Variants in POLR3B observed in about 807,000 individuals in gnomAD.
POLR3B encodes RNA polymerase III subunit B, also known as DNA-directed RNA polymerase III subunit RPC2.
Under a neutral mutation model 147.4 loss-of-function variants are expected in POLR3B, and 96 were observed. That is an observed-to-expected ratio of 0.65 (90% confidence interval 0.55 to 0.77). The LOEUF is 0.77. Ranked by LOEUF, POLR3B falls within the 30% of genes least tolerant of loss-of-function variation. The pLI, the probability that POLR3B is intolerant of heterozygous loss-of-function variation, is 0.00. For missense variants in POLR3B, 1,036 were observed against 1,413.5 expected, an observed-to-expected ratio of 0.73 and a Z score of 4.28; for synonymous variants, 461 against 485.9, an observed-to-expected ratio of 0.95 and a Z score of 0.67.
intron 26 of POLR3B, 125 bp from the exon 27 acceptor site, chr12:106,503,956 C>T: frequency 1.2e-6 from 1 of 852,480 alleles, no homozygotes; most frequent in South Asian, 1.4e-5. Flanking sequence ...GGTCCCTGTC[C>T]AGTTATTGAT....
intron 1 of POLR3B, among the ~76,000 whole-genome samples, chr12:106,360,566 T>C (rs926875816): frequency 6.6e-6 from 1 of 152,244 alleles, no homozygotes; most frequent in African/African-American, 2.4e-5. Context: ...TTACTTAAAC[T>C]TTCCAACTTC....
intron 9 of POLR3B, among the ~76,000 whole-genome samples, chr12:106,391,270 C>G (rs529951098): frequency 1.6e-3 from 242 of 152,212 alleles, no homozygotes; most frequent in Non-Finnish European, 2.6e-3. Flanking sequence ...CTATCTTCCC[C>G]CAGAGAGAGC....
intron 12 of POLR3B, among the ~76,000 whole-genome samples, chr12:106,416,642 A>G (rs917332420): frequency 2.6e-5 from 4 of 152,208 alleles, no homozygotes; most frequent in Non-Finnish European, 5.9e-5. Flanking sequence ...ATTAAAACAG[A>G]TAAAAGTTGA....
chr12:106,468,884 G>A (rs2038046489), intron 23 of POLR3B, among the ~76,000 whole-genome samples: 2 of 152,186 alleles, frequency 1.3e-5, no homozygotes, highest in African/African-American at 2.4e-5. Context: ...TTTAGAATAA[G>A]TGCGATGTGG....
At chr12:106,363,721 T>C (rs1179287389) in intron 1 of POLR3B, 149 bp from the exon 2 acceptor site, 1 of 693,764 alleles carries the variant, frequency 1.4e-6, no homozygotes, top group Non-Finnish European at 2.5e-6. Flanking sequence ...TATATGCATA[T>C]GCACACATGT....
At position 106,396,073 on chromosome 12, in the gene POLR3B, T is replaced by C. The variant is rs116028614; in HGVS notation, c.846+2920T>C. 6.6e-3 allele frequency among the ~76,000 whole-genome samples: 1,009 copies of C among 152,266 alleles called. 12 individuals are homozygous for C. Among genetic ancestry groups the C allele is most frequent in the African/African-American group, 0.022 (922 of 41,542 alleles). ...ACACCATCATTGTCTTGGGCTCTAG[T>C]ATATAGAGAAGAAAGTACTAGCTGT... is the stretch of plus-strand genomic sequence containing the variant. On this transcript the variant is annotated intron_variant, in intron 10 of 27. Coordinates refer to ENST00000228347, the MANE Select transcript of POLR3B (RefSeq NM_018082.6).
At chr12:106,471,074 C>T (rs2038084225) in intron 23 of POLR3B, among the ~76,000 whole-genome samples, 1 of 152,192 alleles carries the variant, frequency 6.6e-6, no homozygotes, top group Non-Finnish European at 1.5e-5. Flanking sequence ...AGGCAGTAAG[C>T]TTTGCTGAGC....
At chr12:106,366,218 T>C (rs1424119892) in intron 2 of POLR3B, among the ~76,000 whole-genome samples, 1 of 152,238 alleles carries the variant, frequency 6.6e-6, no homozygotes, top group Non-Finnish European at 1.5e-5. Context: ...AATGTTGTTA[T>C]GTGGCACATG....
At position 106,378,328 on chromosome 12, in the gene POLR3B, G is replaced by A; in HGVS notation, c.558G>A (p.Lys186=). ...TTCTTATCCAAGAGCAGCTGTCTAAGAACAGGATCATCGTGGAGGCTGATA... is the reference window on the plus strand; with the variant it reads ...TTCTTATCCAAGAGCAGCTGTCTAAAAACAGGATCATCGTGGAGGCTGATA... The part of the protein sequence containing the change: ...KVILIQEQLS[K]NRIIVEADRK... Residue 186 remains lysine, a synonymous_variant, in exon 8 of 28, where the codon AAG becomes AAA. Transcript: ENST00000228347. 1.2e-6 allele frequency: 2 copies of A among 1,614,004 alleles called. No individual in the cohort carries two copies. Among genetic ancestry groups the A allele is most frequent in the Non-Finnish European group, 1.7e-6 (2 of 1,179,908 alleles).
chr12:106,428,863 T>C (rs1160485330), intron 13 of POLR3B, among the ~76,000 whole-genome samples: 1 of 152,136 alleles, frequency 6.6e-6, no homozygotes, highest in East Asian at 1.9e-4. Context: ...CGATCTTCAC[T>C]ATAACAGTGA....
Position 106,366,529 on chromosome 12 carries a change from T to G in POLR3B, c.119T>G (p.Val40Gly). The G allele has an allele frequency of 6.2e-7, 1 of 1,610,148 alleles. No individual in the cohort carries two copies. Among genetic ancestry groups the G allele is most frequent in the Non-Finnish European group, 8.5e-7 (1 of 1,176,948 alleles). Residue 40 changes from valine to glycine, a missense_variant, in exon 3 of 28, where the codon GTG (valine) becomes GGG (glycine). This residue lies in a region of POLR3B where 150 missense variants were observed against 145.5 expected (regional missense o/e 1.03). Transcript: ENST00000228347. Reference sequence around the variant, plus strand: ...CTATCTGTTTAGGTGAAAGGCCTTGTGAAACAGCATATAGATTCATTTAAC... The same window carrying G: ...CTATCTGTTTAGGTGAAAGGCCTTGGGAAACAGCATATAGATTCATTTAAC... ...LPAFLKVKGLVKQHIDSFNYF... is the reference protein window; with the variant it reads ...LPAFLKVKGLGKQHIDSFNYF...
chr12:106,490,022 AG>A (rs2038387486), intron 23 of POLR3B, among the ~76,000 whole-genome samples: 1 of 152,234 alleles, frequency 6.6e-6, no homozygotes, highest in South Asian at 2.1e-4. Context: ...TTATTAAATC[AG>A]GGTTTCTTCG....
chr12:106,423,472 C>G (rs1236412224), intron 12 of POLR3B, among the ~76,000 whole-genome samples: 2 of 152,116 alleles, frequency 1.3e-5, no homozygotes, highest in Admixed American at 6.6e-5. Context: ...ACCAGAGAAG[C>G]TAGCGGTATA....
At chr12:106,372,181 AT>A (rs1248228001) in intron 6 of POLR3B, among the ~76,000 whole-genome samples, 1 of 152,124 alleles carries the variant, frequency 6.6e-6, no homozygotes, top group Non-Finnish European at 1.5e-5. Context: ...TTGGTTAGAA[AT>A]CAAACAGTAC....
intron 23 of POLR3B, among the ~76,000 whole-genome samples, chr12:106,471,952 G>A (rs1219804285): frequency 6.7e-6 from 1 of 148,206 alleles, no homozygotes; most frequent in Non-Finnish European, 1.5e-5. Flanking sequence ...ATGCTGGTGC[G>A]CTGCACCCAC....
At chr12:106,402,006 A>G (rs1176677399) in intron 10 of POLR3B, among the ~76,000 whole-genome samples, 2 of 152,162 alleles carry the variant, frequency 1.3e-5, no homozygotes, top group Non-Finnish European at 2.9e-5. Context: ...CAATTAGGAA[A>G]AGAGGAAGTC....
At chr12:106,420,596 G>A (rs61943694) in intron 12 of POLR3B, among the ~76,000 whole-genome samples, 49,750 of 151,996 alleles carry the variant, frequency 0.33, 11,108 homozygotes, top group African/African-American at 0.64. Flanking sequence ...CAGAATTTAT[G>A]ATTATTATCT....
rs969862983 is a variant in POLR3B, at chr12:106,366,566, T to C, written c.156T>C (p.Asn52=). 1.9e-6 allele frequency: 3 copies of C among 1,606,722 alleles called. No homozygotes were observed. The highest frequency in any genetic ancestry group is 2.6e-6 in the Non-Finnish European group (3 of 1,173,304). ...QHIDSFNYFI[N]VEIKKIMKAN... ...TAGATTCATTTAACTATTTCATTAA[T>C]GTAGAGGTAAGCATCAGATGTTAGA... The change falls in exon 3 of 28, where the codon AAT becomes AAC. Residue 52 remains asparagine, a synonymous_variant. Coordinates refer to ENST00000228347, the MANE Select transcript of POLR3B (RefSeq NM_018082.6).
intron 16 of POLR3B, among the ~76,000 whole-genome samples, chr12:106,434,807 C>T (rs1484288878): frequency 6.6e-6 from 1 of 152,146 alleles, no homozygotes; most frequent in Non-Finnish European, 1.5e-5. Flanking sequence ...CTTCATATGA[C>T]ACTACCTCAT....
Sources: allele counts gnomAD v4.1 joint callset (sites outside exome capture counted in the v4.1 genomes callset), GRCh38; gene constraint gnomAD v4.1.1; regional missense constraint gnomAD v4.1.1; transcripts MANE v1.5; gene names NCBI Gene and HGNC (gene_info 2026-07-23, HGNC 2026-07-21).